ALG10B: variants seen among roughly 807,000 people sequenced by gnomAD.
ALG10B encodes dol-P-Glc:Glc(2)Man(9)GlcNAc(2)-PP-Dol alpha-1,2-glucosyltransferase B.
ALG10B carries 27 observed loss-of-function variants against 38.7 expected under a neutral mutation model. The observed-to-expected ratio is 0.70, with a 90% CI of 0.51 to 0.96. The LOEUF is 0.96. Ranked by LOEUF, ALG10B falls within the 40% of genes least tolerant of loss-of-function variation. ALG10B has a pLI of 0.00. For synonymous variants in ALG10B, 177 were observed against 193.3 expected (o/e 0.92, Z 0.70); for missense variants, 522 against 542.7 (o/e 0.96, Z 0.38).
At position 38,317,002 on chromosome 12, in the gene ALG10B, G is replaced by C; in HGVS notation, c.109G>C (p.Asp37His). 1.2e-6 allele frequency: 2 copies of C among 1,613,998 alleles called. No homozygotes were observed. Among genetic ancestry groups the C allele is most frequent in the Non-Finnish European group, 1.7e-6 (2 of 1,180,000 alleles). ...FSRALREPYM[D>H]EIFHLPQAQR... ...CCGGGCGCTGCGAGAGCCCTACATGGACGAGATCTTCCACCTGCCTCAGGC... is the reference window on the plus strand; with the variant it reads ...CCGGGCGCTGCGAGAGCCCTACATGCACGAGATCTTCCACCTGCCTCAGGC... The change falls in exon 1 of 3, where the codon GAC becomes CAC. Residue 37 changes from aspartate (D) to histidine (H), a missense_variant. Coordinates refer to ENST00000308742, the MANE Select transcript of ALG10B (RefSeq NM_001013620.4).
At position 38,321,582 on chromosome 12, in the gene ALG10B, T is replaced by A. The variant is rs1945705486; in HGVS notation, c.*369T>A. On this transcript the variant is annotated 3_prime_UTR_variant, in exon 3 of 3. Transcript: ENST00000308742. Reference sequence around the variant, plus strand: ...ATTCTCTTCAGAGAGAACTATTAGGTTAGTGCAAAAGTAATTGTGGTTTTT... The same window carrying A: ...ATTCTCTTCAGAGAGAACTATTAGGATAGTGCAAAAGTAATTGTGGTTTTT... The A allele has an allele frequency of 6.4e-6, 1 of 156,414 alleles. No individual in the cohort carries two copies. Among genetic ancestry groups the A allele is most frequent in the African/African-American group, 2.4e-5 (1 of 41,556 alleles). 9.7% of individuals were successfully genotyped at this position (156,414 alleles called of 1,614,324 possible). A position where few individuals can be genotyped will look rare whatever the true frequency, so the allele number is the denominator to read the frequency against.
rs912835886 is a variant in ALG10B at position 38,325,459 on chromosome 12, C to G, written c.*4246C>G. ...GATCTACCATTTTTATTTATACCAC[C>G]TAAATAGTGGACTGTTATTTTGGAC... is the stretch of plus-strand genomic sequence containing the variant. On this transcript the variant is annotated 3_prime_UTR_variant, in exon 3 of 3. Transcript: ENST00000308742. 1 of 152,032 alleles carries G rather than the reference C, an allele frequency of 6.6e-6. No individual in the cohort carries two copies. The highest frequency in any genetic ancestry group is 1.5e-5 in the Non-Finnish European group (1 of 67,982). The allele number at this position is 152,032 out of a possible 1,614,324, so 9.4% of individuals were successfully genotyped here.
Position 38,316,988 on chromosome 12 carries a change from G to C in ALG10B, c.95G>C (p.Arg32Pro). The C allele has an allele frequency of 6.2e-7, 1 of 1,614,068 alleles. No individual in the cohort carries two copies. The highest frequency in any genetic ancestry group is 8.5e-7 in the Non-Finnish European group (1 of 1,180,008). The change falls in exon 1 of 3, where the codon CGA becomes CCA. Residue 32 changes from arginine (R) to proline (P), a missense_variant. By Grantham distance (103) the Arg-to-Pro change is moderately radical. Coordinates refer to ENST00000308742, the MANE Select transcript of ALG10B (RefSeq NM_001013620.4). ...LLFSAFSRAL[R>P]EPYMDEIFHL... is the part of the protein sequence containing the mutation. Reference sequence around the variant, plus strand: ...TTCTCCGCCTTCAGCCGGGCGCTGCGAGAGCCCTACATGGACGAGATCTTC... The same window carrying C: ...TTCTCCGCCTTCAGCCGGGCGCTGCCAGAGCCCTACATGGACGAGATCTTC...
rs1410998199 is a variant in ALG10B, at chr12:38,328,321, T to A, written c.*7108T>A. ...TATTACACCCTGTTTTAGAAAAACA[T>A]TTGAGTTATACAACTTACTAAAATG... is the stretch of plus-strand genomic sequence containing the variant. On this transcript the variant is annotated 3_prime_UTR_variant, in exon 3 of 3. Transcript: ENST00000308742. The A allele has an allele frequency of 2.6e-5, 4 of 152,154 alleles. No homozygotes were observed. The highest frequency in any genetic ancestry group is 2.6e-4 in the Admixed American group (4 of 15,278). The allele number at this position is 152,154 out of a possible 1,614,324, so 9.4% of individuals were successfully genotyped here. A position where few individuals can be genotyped will look rare whatever the true frequency, so the allele number is the denominator to read the frequency against.
At position 38,327,850 on chromosome 12, in the gene ALG10B, T is replaced by G. The variant is rs1945759751; in HGVS notation, c.*6637T>G. Reference sequence around the variant, plus strand: ...TTGTTGTAAGATAAATGACTAAAATTATGTGGGATATTTAATTTGGATAAG... The same window carrying G: ...TTGTTGTAAGATAAATGACTAAAATGATGTGGGATATTTAATTTGGATAAG... On this transcript the variant is annotated 3_prime_UTR_variant, in exon 3 of 3. Transcript: ENST00000308742. The G allele has an allele frequency of 1.3e-5, 2 of 152,164 alleles. No individual in the cohort carries two copies. The highest frequency in any genetic ancestry group is 4.8e-5 in the African/African-American group (2 of 41,430). 9.4% of individuals were successfully genotyped at this position (152,164 alleles called of 1,614,324 possible). A position where few individuals can be genotyped will look rare whatever the true frequency, so the allele number is the denominator to read the frequency against.
chr12:38,316,969 G>A lies in ALG10B; in HGVS notation c.76G>A (p.Ala26Thr), dbSNP rs138776092. ...TTTAGTGTCCTGCCTCCTCTTCTCC[G>A]CCTTCAGCCGGGCGCTGCGAGAGCC... ...TFLVSCLLFS[A>T]FSRALREPYM... The change falls in exon 1 of 3, where the codon GCC becomes ACC. Residue 26 changes from alanine to threonine, a missense_variant. Coordinates refer to ENST00000308742, the MANE Select transcript of ALG10B (RefSeq NM_001013620.4). The A allele has an allele frequency of 6.2e-7, 1 of 1,614,100 alleles. No homozygotes were observed.
In ALG10B at chr12:38,324,063, G is replaced by A. The variant is rs2120507311; in HGVS notation, c.*2850G>A. On this transcript the variant is annotated 3_prime_UTR_variant, in exon 3 of 3. Transcript: ENST00000308742. ...GTTTTTGTCTTTGAGGAGAAGTCTC[G>A]CTCTTGTCCCCCAGGCTGGAATGCA... 10 of 644,634 alleles carry A rather than the reference G, an allele frequency of 1.6e-5. No individual in the cohort carries two copies. The highest frequency in any genetic ancestry group is 6.9e-5 in the South Asian group (4 of 57,676). 39.9% of individuals were successfully genotyped at this position (644,634 alleles called of 1,614,324 possible).
rs140475027 is a variant in ALG10B at position 38,320,549 on chromosome 12, T to G, written c.758T>G (p.Leu253Trp). 6,317 of 1,614,158 alleles carry G rather than the reference T, an allele frequency of 3.9e-3. 35 individuals are homozygous for G. The highest frequency in any genetic ancestry group is 0.036 in the Middle Eastern group (219 of 6,062). The change falls in exon 3 of 3, where the codon TTG (leucine) becomes TGG (tryptophan). Residue 253 changes from leucine (L) to tryptophan (W), a missense_variant. Transcript: ENST00000308742. ...AAAAACTTGAGTATGCTTTTCTGTTTGACTTGGCCCTACATCCTTCTGGGA... is the reference window on the plus strand; with the variant it reads ...AAAAACTTGAGTATGCTTTTCTGTTGGACTTGGCCCTACATCCTTCTGGGA... ...SFKNLSMLFC[L>W]TWPYILLGFL...
At chr12:38,317,183 A>G in intron 1 of ALG10B, 119 bp downstream of exon 1, 1 of 1,425,776 alleles carries the variant, frequency 7.0e-7, no homozygotes, top group Non-Finnish European at 9.6e-7. Context: ...GCCTCAGAAC[A>G]TGAAAGAAAC....
rs772717701 is a variant in ALG10B, at chr12:38,318,402, G to A, written c.313G>A (p.Val105Ile). The change falls in exon 2 of 3, where the codon GTT (valine) becomes ATT (isoleucine). Residue 105 changes from valine (V) to isoleucine (I), a missense_variant. Transcript: ENST00000308742. ...CAGATTTGTTAATCTTCTCTTCAGT[G>A]TTGGCAACTTCTATTTACTATATTT... ...MLRFVNLLFS[V>I]GNFYLLYLLF... 4 of 1,614,002 alleles carry A rather than the reference G, an allele frequency of 2.5e-6. No individual in the cohort carries two copies. Among genetic ancestry groups the A allele is most frequent in the Middle Eastern group, 1.6e-4 (1 of 6,084 alleles).
rs1945723950 is a variant in ALG10B at position 38,324,108 on chromosome 12, C to G, written c.*2895C>G. 1 of 567,292 alleles carries G rather than the reference C, an allele frequency of 1.8e-6. No homozygotes were observed. Among genetic ancestry groups the G allele is most frequent in the African/African-American group, 1.9e-5 (1 of 53,026 alleles). 35.1% of individuals were successfully genotyped at this position (567,292 alleles called of 1,614,324 possible). On this transcript the variant is annotated 3_prime_UTR_variant, in exon 3 of 3. Transcript: ENST00000308742. ...AATGCAATGGCGCGATCTTGGCTCA[C>G]TGAAACCTCCACCTCCTGGGTTCAA... is the stretch of plus-strand genomic sequence containing the variant.
chr12:38,317,115 C>T (rs1470216760), intron 1 of ALG10B, 51 bp downstream of exon 1: 2 of 1,611,964 alleles, frequency 1.2e-6, no homozygotes, highest in Non-Finnish European at 1.7e-6. Context: ...AAGGTCCCAG[C>T]GTCCCCAGCT....
In ALG10B at chr12:38,321,046, A is replaced by G. The variant is rs375293238; in HGVS notation, c.1255A>G (p.Ile419Val). ...PQKLLEFRYF[I>V]LPYVIYRLNI... Reference sequence around the variant, plus strand: ...GAAACTGCTGGAATTTCGTTACTTCATTTTACCTTATGTCATTTATAGGCT... The same window carrying G: ...GAAACTGCTGGAATTTCGTTACTTCGTTTTACCTTATGTCATTTATAGGCT... Residue 419 changes from isoleucine (I) to valine (V), a missense_variant, in exon 3 of 3, where the codon ATT becomes GTT. By Grantham distance (29) the Ile-to-Val change is conservative (BLOSUM62 3). Transcript: ENST00000308742. The G allele has an allele frequency of 2.5e-6, 4 of 1,613,504 alleles. No individual in the cohort carries two copies. The highest frequency in any genetic ancestry group is 3.4e-6 in the Non-Finnish European group (4 of 1,179,756).
At position 38,321,711 on chromosome 12, in the gene ALG10B, G is replaced by A. The variant is rs1222167749; in HGVS notation, c.*498G>A. On this transcript the variant is annotated 3_prime_UTR_variant, in exon 3 of 3. Coordinates refer to ENST00000308742, the MANE Select transcript of ALG10B (RefSeq NM_001013620.4). The stretch of plus-strand genomic sequence containing the variant: ...GTCAGGTGATATTCTTGACTGAAAA[G>A]TTCCTTAACATTTCAGTAAATATAA... 1 of 152,490 alleles carries A rather than the reference G, an allele frequency of 6.6e-6. No homozygotes were observed. The highest frequency in any genetic ancestry group is 1.5e-5 in the Non-Finnish European group (1 of 68,008). 9.4% of individuals were successfully genotyped at this position (152,490 alleles called of 1,614,324 possible).
rs1383751615 is a variant in ALG10B, at chr12:38,323,740, C to T, written c.*2527C>T. 1.7e-6 allele frequency: 1 copy of T among 602,812 alleles called. No individual in the cohort carries two copies. Among genetic ancestry groups the T allele is most frequent in the African/African-American group, 1.9e-5 (1 of 53,888 alleles). The allele number at this position is 602,812 out of a possible 1,614,324, so 37.3% of individuals were successfully genotyped here. On this transcript the variant is annotated 3_prime_UTR_variant, in exon 3 of 3. Transcript: ENST00000308742. ...AGTGATTGTAGAAAAACGTGTTTTA[C>T]CCAGACTTCTTAAAAATTAGATGAG... is the stretch of plus-strand genomic sequence containing the variant.
At chr12:38,319,624 A>G (rs953275868) in intron 2 of ALG10B, among the ~76,000 whole-genome samples, 8 of 152,246 alleles carry the variant, frequency 5.3e-5, no homozygotes, top group Admixed American at 1.3e-4. Flanking sequence ...ACTTTTCAGA[A>G]AAATACCGTT....
intron 2 of ALG10B, 41 bp downstream of exon 2, chr12:38,318,499 A>G (rs1390887365): frequency 6.5e-7 from 1 of 1,537,520 alleles, no homozygotes; most frequent in Admixed American, 1.7e-5. Context: ...ATGTGTAGTC[A>G]GGTCCACAAT....
Position 38,321,213 on chromosome 12 carries a change from A to G in ALG10B, c.1422A>G (p.Ter474=), listed in dbSNP as rs1945702389. The G allele has an allele frequency of 2.5e-6, 4 of 1,609,926 alleles. No homozygotes were observed. Among genetic ancestry groups the G allele is most frequent in the Admixed American group, 3.4e-5 (2 of 59,688 alleles). ...AGGACATTCAAAGGTTTATGTGGTA[A>G]TATCAGTGATATTTTGAACTGTAAA... ...NSQDIQRFMW[*] The change falls in exon 3 of 3, where the codon TAA becomes TAG. Residue 474 remains the stop codon, a stop_retained_variant. Coordinates refer to ENST00000308742, the MANE Select transcript of ALG10B (RefSeq NM_001013620.4).
At chr12:38,317,500 C>G (rs892127512) in intron 1 of ALG10B, 1 of 184,208 alleles carries the variant, frequency 5.4e-6, no homozygotes, top group African/African-American at 2.4e-5. Context: ...CAAAAAGTGA[C>G]AATTTATAAT....
Sources: allele counts gnomAD v4.1 joint callset (sites outside exome capture counted in the v4.1 genomes callset), GRCh38; gene constraint gnomAD v4.1.1; transcripts MANE v1.5; gene names NCBI Gene and HGNC (gene_info 2026-07-23, HGNC 2026-07-21).